Variants in PAX5 observed in about 807,000 individuals in gnomAD.
PAX5 encodes the protein paired box protein Pax-5.
In PAX5, 9 loss-of-function variants were observed where a neutral mutation model predicts 43.7. The observed-to-expected ratio is 0.21, with a 90% CI of 0.12 to 0.36. PAX5 has a LOEUF of 0.36. PAX5 is among the 10% of genes least tolerant of loss of function. The pLI, the probability that PAX5 is intolerant of heterozygous loss-of-function variation, is 1.00. For missense variants in PAX5, 383 were observed against 532.7 expected (o/e 0.72, Z 2.77); for synonymous variants, 228 against 214.3 (o/e 1.06, Z -0.56).
chr9:37,022,260 G>C (rs931662382), intron 1 of PAX5, among the ~76,000 whole-genome samples: 1 of 152,144 alleles, frequency 6.6e-6, no homozygotes, highest in Non-Finnish European at 1.5e-5. Flanking sequence ...ATTCAGTTTT[G>C]ATTGTTCTAA....
chr9:36,970,128 A>G (rs1325637572), intron 5 of PAX5, among the ~76,000 whole-genome samples: 1 of 152,204 alleles, frequency 6.6e-6, no homozygotes, highest in African/African-American at 2.4e-5. Flanking sequence ...TAAACATAGG[A>G]TTACAAACAA....
intron 5 of PAX5, among the ~76,000 whole-genome samples, chr9:36,993,461 G>A (rs1234632501): frequency 6.8e-6 from 1 of 146,608 alleles, no homozygotes; most frequent in African/African-American, 2.5e-5. Flanking sequence ...GATGGAACCA[G>A]GAGAAACTCA....
chr9:36,962,554 G>A (rs1488986223), intron 6 of PAX5, among the ~76,000 whole-genome samples: 1 of 151,072 alleles, frequency 6.6e-6, no homozygotes, highest in African/African-American at 2.4e-5. Flanking sequence ...GTGTAGGTGA[G>A]GAGGATCGCT....
intron 1 of PAX5, among the ~76,000 whole-genome samples, chr9:37,031,572 A>T (rs1233579941): frequency 6.6e-6 from 1 of 151,878 alleles, no homozygotes; most frequent in African/African-American, 2.4e-5. Flanking sequence ...GAGAGGGGGG[A>T]ATCTGTCTCT....
chr9:36,911,398 T>C (rs1247311454), intron 7 of PAX5, among the ~76,000 whole-genome samples: 2 of 152,014 alleles, frequency 1.3e-5, no homozygotes, highest in Admixed American at 1.3e-4. Flanking sequence ...TGGGCTCAAG[T>C]GGTCCTCCCG....
rs1319143711 is a variant in PAX5 at position 36,882,808 on chromosome 9, C to CGAGT, written c.911-707_911-704dup. Reference sequence around the variant, plus strand: ...CTCAAGGCGTGCACACTCCCATGGGCGAGTGTCCAGCTCTTTCAGGCTGCT... The same window carrying CGAGT: ...CTCAAGGCGTGCACACTCCCATGGGCGAGTGAGTGTCCAGCTCTTTCAGGCTGCT... On this transcript the variant is annotated intron_variant, in intron 7 of 9. Transcript: ENST00000358127. This position sits in a 1 kb window ranked among gnomAD's most constrained non-coding sequence, Gnocchi z 4.4. Among the ~76,000 whole-genome samples the CGAGT allele has an allele frequency of 1.3e-5, 2 of 152,246 alleles. No homozygotes were observed. Among genetic ancestry groups the CGAGT allele is most frequent in the Non-Finnish European group, 2.9e-5 (2 of 68,050 alleles).
intron 6 of PAX5, among the ~76,000 whole-genome samples, chr9:36,937,957 G>A (rs116370412): frequency 0.034 from 5,221 of 152,238 alleles, 281 homozygotes; most frequent in African/African-American, 0.12. Context: ...GTGACTGTTT[G>A]CTTAGTTCAA....
chr9:36,858,137 T>G (rs573206469), intron 8 of PAX5, among the ~76,000 whole-genome samples: 1 of 152,358 alleles, frequency 6.6e-6, no homozygotes, highest in Non-Finnish European at 1.5e-5. Context: ...GACTAAATAT[T>G]GATGCATTTC....
intron 6 of PAX5, among the ~76,000 whole-genome samples, chr9:36,951,469 T>C (rs1427784218): frequency 1.3e-5 from 2 of 152,254 alleles, no homozygotes; most frequent in African/African-American, 2.4e-5. Context: ...TAAGCAATAA[T>C]CCTCTTTGTC....
rs1821648388 is a variant in PAX5, at chr9:36,836,473, G to C, written c.*4087C>G. On this transcript the variant is annotated 3_prime_UTR_variant, in exon 10 of 10. Transcript: ENST00000358127. ...GGGCTCACAGGCTGGTGCCCAGTGG[G>C]TCAAGTTTGGCCCATGGACATTTTT... is the stretch of plus-strand genomic sequence containing the variant. 4.3e-6 allele frequency: 1 copy of C among 233,130 alleles called. No individual in the cohort carries two copies. Among genetic ancestry groups the C allele is most frequent in the Non-Finnish European group, 8.5e-6 (1 of 118,024 alleles). 14.4% of individuals were successfully genotyped at this position (233,130 alleles called of 1,614,324 possible).
intron 8 of PAX5, among the ~76,000 whole-genome samples, chr9:36,848,508 C>T (rs780782044): frequency 6.6e-6 from 1 of 152,096 alleles, no homozygotes; most frequent in East Asian, 1.9e-4. Context: ...AGGGAGAGCC[C>T]GATGACAGTG....
intron 6 of PAX5, among the ~76,000 whole-genome samples, chr9:36,938,178 T>C (rs1831723155): frequency 1.3e-5 from 2 of 152,214 alleles, no homozygotes; most frequent in African/African-American, 4.8e-5. Flanking sequence ...AGCTTCTGCT[T>C]TTAATTACGG....
chr9:36,850,791 G>A (rs571121350), intron 8 of PAX5, among the ~76,000 whole-genome samples: 7 of 152,232 alleles, frequency 4.6e-5, no homozygotes, highest in Non-Finnish European at 5.9e-5. Context: ...GCTCTCTGGA[G>A]TTGGTCACAT....
At chr9:36,872,209 C>T (rs935106008) in intron 8 of PAX5, among the ~76,000 whole-genome samples, 1 of 152,158 alleles carries the variant, frequency 6.6e-6, no homozygotes, top group Non-Finnish European at 1.5e-5. Flanking sequence ...TCTTCTCCTT[C>T]AGTCCAGCCC....
At chr9:36,885,610 G>A (rs1826844194) in intron 7 of PAX5, among the ~76,000 whole-genome samples, 1 of 152,258 alleles carries the variant, frequency 6.6e-6, no homozygotes, top group Non-Finnish European at 1.5e-5. Flanking sequence ...ATATTAAAAA[G>A]CAAGGTTTCA....
intron 7 of PAX5, among the ~76,000 whole-genome samples, chr9:36,913,155 G>A (rs144353360): frequency 9.2e-5 from 14 of 152,298 alleles, no homozygotes; most frequent in African/African-American, 3.1e-4. Context: ...TGGACTCAGG[G>A]ACTTGGCAGC....
chr9:36,863,178 C>G (rs572944996), intron 8 of PAX5, among the ~76,000 whole-genome samples: 1 of 152,370 alleles, frequency 6.6e-6, no homozygotes, highest in South Asian at 2.1e-4. Context: ...ACTGCTGTCA[C>G]AGATCAGGAG....
intron 5 of PAX5, among the ~76,000 whole-genome samples, chr9:36,970,324 G>A (rs934515071): frequency 2.0e-5 from 3 of 152,192 alleles, no homozygotes; most frequent in South Asian, 2.1e-4. Flanking sequence ...GGAGATGCTC[G>A]TACAAAGGCC....
At chr9:36,922,419 T>C (rs1406288927) in intron 7 of PAX5, among the ~76,000 whole-genome samples, 1 of 152,164 alleles carries the variant, frequency 6.6e-6, no homozygotes, top group Non-Finnish European at 1.5e-5. Flanking sequence ...CGAGCGGGCC[T>C]CCTGCCTGCC....
Sources: allele counts gnomAD v4.1 joint callset (sites outside exome capture counted in the v4.1 genomes callset), GRCh38; gene constraint gnomAD v4.1.1; non-coding constraint Gnocchi (gnomAD v3.1); transcripts MANE v1.5; gene names NCBI Gene and HGNC (gene_info 2026-07-23, HGNC 2026-07-21).